NRXN1: variants seen among roughly 807,000 people sequenced by gnomAD.
NRXN1 encodes the protein neurexin-1.
Under a neutral mutation model 150.9 loss-of-function variants are expected in NRXN1, and 39 were observed. That is an observed-to-expected ratio of 0.26 (90% confidence interval 0.20 to 0.34). NRXN1 has a LOEUF of 0.34. Ranked by LOEUF, NRXN1 falls within the 10% of genes least tolerant of loss-of-function variation. NRXN1 has a pLI of 1.00. For missense variants in NRXN1, 1,815 were observed against 1,949.9 expected (o/e 0.93, Z 1.30); for synonymous variants, 924 against 757.0 (o/e 1.22, Z -3.62).
chr2:50,785,287 C>T (rs529103128), intron 5 of NRXN1, among the ~76,000 whole-genome samples: 86 of 123,812 alleles, frequency 6.9e-4, no homozygotes, highest in Non-Finnish European at 9.5e-4. Context: ...CTCATTCTGT[C>T]GCCCCCGCTG....
chr2:50,065,657 G>A (rs564564027), intron 19 of NRXN1, among the ~76,000 whole-genome samples: 10 of 152,212 alleles, frequency 6.6e-5, no homozygotes, highest in African/African-American at 2.4e-4. Context: ...ATCCCAGTGA[G>A]AAGCAGTATT....
chr2:50,514,794 C>T (rs1019318), intron 12 of NRXN1, among the ~76,000 whole-genome samples: 125,424 of 152,122 alleles, frequency 0.82, 51,898 homozygotes, highest in Non-Finnish European at 0.86. Flanking sequence ...CCCATAAATT[C>T]TGCATTGCAT....
intron 12 of NRXN1, among the ~76,000 whole-genome samples, chr2:50,519,088 C>T (rs1458060213): frequency 6.6e-6 from 1 of 151,784 alleles, no homozygotes; most frequent in African/African-American, 2.4e-5. Context: ...ATGGTAGCAT[C>T]TCGTGTCTTG....
intron 19 of NRXN1, among the ~76,000 whole-genome samples, chr2:50,085,197 T>G (rs1698608957): frequency 6.6e-6 from 1 of 152,218 alleles, no homozygotes; most frequent in Non-Finnish European, 1.5e-5. Flanking sequence ...AAGTATATTT[T>G]GGCTAAAAAC....
intron 18 of NRXN1, among the ~76,000 whole-genome samples, chr2:50,163,164 G>GTATATATATATATATA (rs59163565): frequency 0.014 from 2,036 of 141,530 alleles, 29 homozygotes; most frequent in Middle Eastern, 0.02. Flanking sequence ...AATCCAAAAT[G>GTATATATATATATATA]TATATATATA....
In NRXN1 at chr2:50,292,202, A is replaced by T. The variant is rs192272668; in HGVS notation, c.3365-55232T>A. Among the ~76,000 whole-genome samples the T allele has an allele frequency of 3.8e-3, 575 of 152,314 alleles. 8 individuals are homozygous for T. The highest frequency in any genetic ancestry group is 0.013 in the African/African-American group (536 of 41,566). ...AGTTGACAAGAAATCAAAAAAGAAT[A>T]ATATTTTGTGACATATGACAACTAT... On this transcript the variant is annotated intron_variant, in intron 17 of 22. Coordinates refer to ENST00000401669, the MANE Select transcript of NRXN1 (RefSeq NM_001330078.2).
chr2:50,289,764 C>T (rs544230825), intron 17 of NRXN1, among the ~76,000 whole-genome samples: 2 of 152,200 alleles, frequency 1.3e-5, no homozygotes, highest in Admixed American at 6.6e-5. Flanking sequence ...GCAAAACACA[C>T]AGTACCTTAC....
chr2:50,796,425 G>C (rs1319134668), intron 5 of NRXN1, among the ~76,000 whole-genome samples: 1 of 152,064 alleles, frequency 6.6e-6, no homozygotes, highest in Non-Finnish European at 1.5e-5. Flanking sequence ...CACCATGAGA[G>C]GTATGGAATG....
Position 51,028,023 on chromosome 2 carries a change from G to T in NRXN1, c.251C>A (p.Thr84Lys). The T allele has an allele frequency of 6.3e-7, 1 of 1,599,686 alleles. No individual in the cohort carries two copies. The highest frequency in any genetic ancestry group is 8.5e-7 in the Non-Finnish European group (1 of 1,177,706). Residue 84 changes from threonine (T) to lysine (K), a missense_variant, in exon 2 of 23, where the codon ACG (threonine) becomes AAG (lysine). Transcript: ENST00000401669. ...GCTGAGCTGCAGGCGGCCGCCGCGC[G>T]TCAGAATCAGCTCCAGGAAGTCGCA... ...GFCDFLELIL[T>K]RGGRLQLSFS...
intron 17 of NRXN1, among the ~76,000 whole-genome samples, chr2:50,452,370 T>C (rs987028865): frequency 6.6e-6 from 1 of 152,030 alleles, no homozygotes; most frequent in African/African-American, 2.4e-5. Flanking sequence ...AGAAAGAATA[T>C]AGTGACAATG....
chr2:49,979,867 A>G (rs893049904), intron 21 of NRXN1, among the ~76,000 whole-genome samples: 3 of 151,726 alleles, frequency 2.0e-5, no homozygotes, highest in African/African-American at 7.3e-5. Context: ...TTAATGTCCA[A>G]GTGAGTAAAA....
chr2:50,623,909 C>T (rs181876763), intron 5 of NRXN1, among the ~76,000 whole-genome samples: 2 of 152,148 alleles, frequency 1.3e-5, no homozygotes, highest in Admixed American at 1.3e-4. Flanking sequence ...TAGCATAACT[C>T]ATCCTAATGC....
In NRXN1 at chr2:50,531,326, G is replaced by A. The variant is rs751509106; in HGVS notation, c.2248C>T (p.Arg750Cys). 1.2e-6 allele frequency: 2 copies of A among 1,613,450 alleles called. No individual in the cohort carries two copies. Among genetic ancestry groups the A allele is most frequent in the Non-Finnish European group, 1.7e-6 (2 of 1,179,686 alleles). ...EDVSLRFRSQ[R>C]AYGILMATTS... ...GTTGCCATCAGAATGCCATATGCAC[G>A]CTGGGATCGGAACCGTAAGGAAACA... is the stretch of plus-strand genomic sequence containing the variant. The change falls in exon 11 of 23, where the codon CGT becomes TGT. Residue 750 changes from arginine to cysteine, a missense_variant. Transcript: ENST00000401669.
intron 5 of NRXN1, among the ~76,000 whole-genome samples, chr2:50,740,837 G>C (rs1256249446): frequency 1.3e-5 from 2 of 152,170 alleles, no homozygotes; most frequent in Non-Finnish European, 2.9e-5. Context: ...TGATTACTAA[G>C]AACAGTGACT....
chr2:49,974,272 T>G, intron 21 of NRXN1: 2 of 591,440 alleles, frequency 3.4e-6, no homozygotes, highest in South Asian at 3.4e-5. Context: ...GATGCTGCAG[T>G]TCCGTCTGCA....
At chr2:50,507,333 A>T (rs1487710391) in intron 12 of NRXN1, among the ~76,000 whole-genome samples, 1 of 151,988 alleles carries the variant, frequency 6.6e-6, no homozygotes, top group Non-Finnish European at 1.5e-5. Flanking sequence ...AGGTGTAGGT[A>T]TAAGTATTGA....
At chr2:50,168,032 G>GTT (rs113796124) in intron 18 of NRXN1, among the ~76,000 whole-genome samples, 36 of 149,384 alleles carry the variant, frequency 2.4e-4, no homozygotes, top group African/African-American at 7.4e-4. Context: ...TTTTCCAAAG[G>GTT]TTTTTTTTTT....
At chr2:50,585,181 G>C (rs760754810) in intron 8 of NRXN1, among the ~76,000 whole-genome samples, 1 of 152,122 alleles carries the variant, frequency 6.6e-6, no homozygotes, top group Non-Finnish European at 1.5e-5. Flanking sequence ...ACCGCAAAAC[G>C]TTAGGCAAGT....
intron 5 of NRXN1, among the ~76,000 whole-genome samples, chr2:50,847,924 C>T (rs559971254): frequency 6.6e-6 from 1 of 152,250 alleles, no homozygotes; most frequent in Non-Finnish European, 1.5e-5. Context: ...AGAGCTACTT[C>T]TACTCAATAA....
Sources: gnomAD v4.1 joint callset for allele counts (sites outside exome capture counted in the v4.1 genomes callset) on GRCh38, gnomAD v4.1.1 for gene constraint, MANE v1.5 for transcripts, NCBI Gene and HGNC (gene_info 2026-07-23, HGNC 2026-07-21) for gene names.